Variants in ZMAT4 observed in about 807,000 individuals in gnomAD.
ZMAT4 encodes zinc finger matrin-type 4.
ZMAT4 carries 17 observed loss-of-function variants against 28.7 expected under a neutral mutation model. The ratio of observed to expected loss-of-function variants is 0.59; its 90% CI spans 0.41 to 0.89. The LOEUF is 0.89. Among genes scored for constraint, ZMAT4 ranks in the 40% least tolerant of loss-of-function variants. The pLI, the probability that ZMAT4 is intolerant of heterozygous loss-of-function variation, is 0.00. For missense variants in ZMAT4, 240 were observed against 283.8 expected, an observed-to-expected ratio of 0.85 and a Z score of 1.11; for synonymous variants, 117 against 109.2, an observed-to-expected ratio of 1.07 and a Z score of -0.44.
chr8:40,748,178 C>A (rs1812316611), intron 3 of ZMAT4, among the ~76,000 whole-genome samples: 1 of 152,142 alleles, frequency 6.6e-6, no homozygotes, highest in East Asian at 1.9e-4. Context: ...ATCTTTTCCA[C>A]ATGATTTTTC....
intron 2 of ZMAT4, among the ~76,000 whole-genome samples, chr8:40,771,428 T>C (rs1387672317): frequency 4.0e-5 from 6 of 151,792 alleles, no homozygotes; most frequent in Admixed American, 3.3e-4. Context: ...ATAACATAAA[T>C]ATAATAATAA....
intron 3 of ZMAT4, among the ~76,000 whole-genome samples, chr8:40,748,443 C>G (rs1465223823): frequency 6.6e-6 from 1 of 152,136 alleles, no homozygotes. Flanking sequence ...CACCCATAAG[C>G]AGAAAGGAGG....
At chr8:40,834,933 G>T (rs1816422073) in intron 1 of ZMAT4, among the ~76,000 whole-genome samples, 2 of 152,336 alleles carry the variant, frequency 1.3e-5, no homozygotes, top group South Asian at 4.1e-4. Context: ...GCTTTGGGGA[G>T]AGCCCAAGGT....
intron 2 of ZMAT4, among the ~76,000 whole-genome samples, chr8:40,824,707 AGAAAGAAT>A (rs1815964670): frequency 1.4e-5 from 2 of 138,410 alleles, no homozygotes; most frequent in Non-Finnish European, 3.2e-5. Context: ...AAGAAAGAAA[AGAAAGAAT>A]GAAAGAAAGA....
rs568709475 is a variant in ZMAT4, at chr8:40,821,076, G to A, written c.102+4499C>T. Among the ~76,000 whole-genome samples the A allele has an allele frequency of 2.9e-3, 422 of 148,050 alleles. 1 individual carries two copies. Among genetic ancestry groups the A allele is most frequent in the South Asian group, 0.012 (58 of 4,652 alleles). On this transcript the variant is annotated intron_variant, in intron 2 of 6. Coordinates refer to ENST00000297737, the MANE Select transcript of ZMAT4 (RefSeq NM_024645.3). ...GTGTGTGTTGGTGGTTTGGGGATGG[G>A]TGTGTGTGTATGTGTATGGGGGGAG...
In ZMAT4 at chr8:40,781,761, C is replaced by CAAAAAAAAAAAAA; in HGVS notation, c.103-14044_103-14032dup. Among the ~76,000 whole-genome samples the CAAAAAAAAAAAAA allele has an allele frequency of 1.8e-3, 70 of 38,498 alleles. 1 individual carries two copies. The highest frequency in any genetic ancestry group is 2.8e-3 in the Non-Finnish European group (49 of 17,786). The allele number at this position is 38,498 out of a possible 152,430, so 25.3% of individuals were successfully genotyped here. ...TGGGCAACAGAGCGAGACTCCGTCT[C>CAAAAAAAAAAAAA]AAAAAAAAAAAAAAAAAAAAAAAAA... On this transcript the variant is annotated intron_variant, in intron 2 of 6. Coordinates refer to ENST00000297737, the MANE Select transcript of ZMAT4 (RefSeq NM_024645.3).
At chr8:40,655,479 A>C (rs1807874253) in intron 5 of ZMAT4, among the ~76,000 whole-genome samples, 1 of 152,062 alleles carries the variant, frequency 6.6e-6, no homozygotes, top group Non-Finnish European at 1.5e-5. Context: ...AAATTTAAAA[A>C]AACCCAAAAC....
intron 5 of ZMAT4, among the ~76,000 whole-genome samples, chr8:40,652,285 C>T (rs1340988185): frequency 1.0e-5 from 1 of 100,312 alleles, no homozygotes; most frequent in Non-Finnish European, 2.1e-5. Context: ...CATGAACAGA[C>T]AATTCTCAAA....
intron 1 of ZMAT4, among the ~76,000 whole-genome samples, chr8:40,863,703 G>A (rs1406259704): frequency 6.6e-6 from 1 of 152,120 alleles, no homozygotes. Context: ...AAATCCATAT[G>A]AGGACAGTCA....
intron 3 of ZMAT4, among the ~76,000 whole-genome samples, chr8:40,730,768 G>C (rs148654908): frequency 1.9e-3 from 287 of 152,290 alleles, no homozygotes; most frequent in Non-Finnish European, 2.9e-3. Context: ...GGAAGATCAT[G>C]GGAGTAGGAA....
At chr8:40,726,711 C>T (rs1033969953) in intron 3 of ZMAT4, among the ~76,000 whole-genome samples, 1 of 152,214 alleles carries the variant, frequency 6.6e-6, no homozygotes, top group Non-Finnish European at 1.5e-5. Flanking sequence ...CACAGCCATG[C>T]TCACTCACTT....
At chr8:40,571,150 T>G (rs1383809017) in intron 6 of ZMAT4, among the ~76,000 whole-genome samples, 4 of 152,088 alleles carry the variant, frequency 2.6e-5, no homozygotes, top group African/African-American at 9.7e-5. Context: ...TAAACAATAT[T>G]AAGTGTCATC....
intron 1 of ZMAT4, among the ~76,000 whole-genome samples, chr8:40,873,331 A>G (rs558054396): frequency 6.6e-6 from 1 of 152,328 alleles, no homozygotes; most frequent in Non-Finnish European, 1.5e-5. Context: ...CTATTTTAAA[A>G]CATTATACAA....
At chr8:40,574,634 A>T (rs761688866) in intron 6 of ZMAT4, among the ~76,000 whole-genome samples, 32 of 152,206 alleles carry the variant, frequency 2.1e-4, no homozygotes, top group Non-Finnish European at 4.1e-4. Flanking sequence ...ACAGCAAAAA[A>T]TTGGCAAAAT....
At chr8:40,809,311 T>C (rs1424513206) in intron 2 of ZMAT4, among the ~76,000 whole-genome samples, 2 of 151,880 alleles carry the variant, frequency 1.3e-5, no homozygotes. Context: ...CAACAGACAC[T>C]GCTGACTACT....
chr8:40,647,267 C>T (rs984806837), intron 5 of ZMAT4, among the ~76,000 whole-genome samples: 15 of 152,306 alleles, frequency 9.8e-5, no homozygotes, highest in Admixed American at 6.5e-5. Context: ...ACTTGGGAAG[C>T]GCAAAGGGTC....
At chr8:40,881,424 G>GAAGAAAGAGAGAGAGAAAGA (rs1818218804) in intron 1 of ZMAT4, among the ~76,000 whole-genome samples, 2 of 71,216 alleles carry the variant, frequency 2.8e-5, no homozygotes, top group African/African-American at 1.1e-4. Flanking sequence ...GGAAGAAAAA[G>GAAGAAAGAGAGAGAGAAAGA]AAGAAAGAGA....
At chr8:40,620,515 T>G (rs761474256) in intron 5 of ZMAT4, among the ~76,000 whole-genome samples, 6 of 152,234 alleles carry the variant, frequency 3.9e-5, no homozygotes, top group Non-Finnish European at 8.8e-5. Flanking sequence ...AGGAATCCCA[T>G]TTAATAGCAA....
At chr8:40,626,778 T>G (rs1016814727) in intron 5 of ZMAT4, among the ~76,000 whole-genome samples, 1 of 152,114 alleles carries the variant, frequency 6.6e-6, no homozygotes. Context: ...AGATGTTGGA[T>G]GGACAGGCAC....
Sources: gnomAD v4.1 joint callset for allele counts (sites outside exome capture counted in the v4.1 genomes callset) on GRCh38, gnomAD v4.1.1 for gene constraint, MANE v1.5 for transcripts, NCBI Gene and HGNC (gene_info 2026-07-23, HGNC 2026-07-21) for gene names.